ADGRB1: variants seen among roughly 807,000 people sequenced by gnomAD.
ADGRB1 encodes brain-specific angiogenesis inhibitor 1.
A neutral mutation model predicts 175.7 loss-of-function variants in ADGRB1; 36 were observed. The observed-to-expected ratio is 0.20, with a 90% CI of 0.16 to 0.27. The LOEUF (loss-of-function observed/expected upper bound fraction) is 0.27, where lower values mean the gene tolerates loss of function less well. ADGRB1 is among the 10% of genes least tolerant of loss of function. ADGRB1 has a pLI of 1.00. For synonymous variants in ADGRB1, 1,054 were observed against 979.4 expected (o/e 1.08, Z -1.42); for missense variants, 1,731 against 2,255.3 (o/e 0.77, Z 4.71).
At chr8:142,454,713 C>T (rs970634481) in intron 1 of ADGRB1, among the ~76,000 whole-genome samples, 2 of 152,146 alleles carry the variant, frequency 1.3e-5, no homozygotes, top group Non-Finnish European at 2.9e-5. Context: ...GTGAGGATCC[C>T]CCTTCCCCCG....
intron 24 of ADGRB1, 82 bp downstream of exon 24, chr8:142,526,709 T>G: frequency 7.3e-7 from 1 of 1,362,634 alleles, no homozygotes; most frequent in Non-Finnish European, 1.0e-6. Flanking sequence ...TGGAGAACGC[T>G]CCATGCCCAA....
Position 142,464,460 on chromosome 8 carries a change from A to C in ADGRB1, c.262A>C (p.Lys88Gln), listed in dbSNP as rs757035559. Reference protein sequence around the residue: ...RRYTLYMKVAKAPVPCSGPGR... With the variant: ...RRYTLYMKVAQAPVPCSGPGR... ...CTACACTCTCTACATGAAGGTGGCC[A>C]AGGCGCCCGTGCCCTGCAGCGGCCC... The change falls in exon 2 of 31, where the codon AAG (lysine) becomes CAG (glutamine). Residue 88 changes from lysine to glutamine, a missense_variant. Around this residue, in one of 8 missense-constraint regions of ADGRB1, gnomAD observed 383 missense variants for 383.1 expected, o/e 1.00. Transcript: ENST00000517894. The C allele has an allele frequency of 1.3e-6, 2 of 1,580,140 alleles. No individual in the cohort carries two copies. Among genetic ancestry groups the C allele is most frequent in the South Asian group, 2.3e-5 (2 of 86,504 alleles).
chr8:142,519,428 G>A (rs1223044258), intron 19 of ADGRB1, among the ~76,000 whole-genome samples: 2 of 152,208 alleles, frequency 1.3e-5, no homozygotes, highest in African/African-American at 2.4e-5. Flanking sequence ...TGTGCCCTCT[G>A]CTCTCCAGCT....
chr8:142,526,953 G>C (rs539870814), intron 24 of ADGRB1, among the ~76,000 whole-genome samples: 1 of 152,158 alleles, frequency 6.6e-6, no homozygotes, highest in Non-Finnish European at 1.5e-5. Flanking sequence ...GCTGGGTGCT[G>C]GGGGTCCCTG....
At chr8:142,475,699 A>AGGGGGGGTGGGGCCCTGGAGAG (rs376351343) in intron 3 of ADGRB1, 64 bp downstream of exon 3, 2 of 290,578 alleles carry the variant, frequency 6.9e-6, no homozygotes, top group African/African-American at 5.9e-5. Flanking sequence ...GAGGGAGGAG[A>AGGGGGGGTGGGGCCCTGGAGAG]GGGGGGTGGG....
At chr8:142,497,468 G>A (rs997331661) in intron 17 of ADGRB1, among the ~76,000 whole-genome samples, 7 of 152,150 alleles carry the variant, frequency 4.6e-5, no homozygotes, top group Admixed American at 2.0e-4. Context: ...CACGCCGGCC[G>A]GTTCCTGATG....
In ADGRB1 at chr8:142,510,582, G is replaced by T. The variant is rs1448076867; in HGVS notation, c.2676-350G>T. ...CGCGCGGGCCGGGGGCGCGGGCCCC[G>T]GAGGAGCTGGGGGCGGCGGGGGCGC... On this transcript the variant is annotated intron_variant, in intron 17 of 30. Transcript: ENST00000517894. This position sits in a 1 kb window ranked among gnomAD's most constrained non-coding sequence, Gnocchi z 6.3. Among the ~76,000 whole-genome samples the T allele has an allele frequency of 1.4e-5, 2 of 147,524 alleles. No individual in the cohort carries two copies. The highest frequency in any genetic ancestry group is 3.0e-5 in the Non-Finnish European group (2 of 66,308).
At position 142,478,271 on chromosome 8, in the gene ADGRB1, C is replaced by G; in HGVS notation, c.1472C>G (p.Thr491Arg). ...TGCTCCCAGGGCCGACAGCAGCGCA[C>G]GCGTGAATGCAACGGGCCTTCCTAC... ...ASCSQGRQQR[T>R]RECNGPSYGG... Residue 491 changes from threonine to arginine, a missense_variant, in exon 7 of 31, where the codon ACG (threonine) becomes AGG (arginine). Coordinates refer to ENST00000517894, the MANE Select transcript of ADGRB1 (RefSeq NM_001702.3). 1.2e-6 allele frequency: 2 copies of G among 1,610,182 alleles called. No homozygotes were observed. The highest frequency in any genetic ancestry group is 1.7e-6 in the Non-Finnish European group (2 of 1,178,866).
intron 4 of ADGRB1, 88 bp from the exon 5 acceptor site, chr8:142,477,026 A>C: frequency 7.1e-7 from 1 of 1,410,680 alleles, no homozygotes; most frequent in African/African-American, 1.5e-5. Context: ...GCTCCCCAGC[A>C]GGGCAGCCCT....
intron 1 of ADGRB1, among the ~76,000 whole-genome samples, chr8:142,457,848 G>T (rs1230651351): frequency 1.3e-5 from 2 of 152,170 alleles, no homozygotes; most frequent in African/African-American, 4.8e-5. Context: ...CCCATGTCAG[G>T]GGCCCTGCCA....
intron 7 of ADGRB1, among the ~76,000 whole-genome samples, chr8:142,478,775 A>G (rs1477672878): frequency 7.3e-5 from 8 of 108,882 alleles, no homozygotes; most frequent in African/African-American, 2.9e-4. Context: ...GTCTGTGGAG[A>G]AGTGGAGTGT....
chr8:142,534,103 GAAT>G (rs1484782217), intron 25 of ADGRB1, among the ~76,000 whole-genome samples: 23 of 152,202 alleles, frequency 1.5e-4, no homozygotes, highest in Admixed American at 3.9e-4. Flanking sequence ...CGAGGATGAA[GAAT>G]ACAGGAGAAG....
At position 142,492,490 on chromosome 8, in the gene ADGRB1, G is replaced by A. The variant is rs1293383995; in HGVS notation, c.2675+1675G>A. Among the ~76,000 whole-genome samples the A allele has an allele frequency of 6.6e-6, 1 of 152,174 alleles. No homozygotes were observed. The highest frequency in any genetic ancestry group is 1.9e-4 in the East Asian group (1 of 5,164). On this transcript the variant is annotated intron_variant, in intron 17 of 30. Transcript: ENST00000517894. This position sits in a 1 kb window ranked among gnomAD's most constrained non-coding sequence, Gnocchi z 4.4. Reference sequence around the variant, plus strand: ...GGGTCATGCACGCCTCCGAGGGAAGGGGAGGTTTCGGCAGAGGCCTGGCAA... The same window carrying A: ...GGGTCATGCACGCCTCCGAGGGAAGAGGAGGTTTCGGCAGAGGCCTGGCAA...
intron 13 of ADGRB1, among the ~76,000 whole-genome samples, chr8:142,486,886 G>A (rs113606086): frequency 0.028 from 4,286 of 152,146 alleles, 213 homozygotes; most frequent in African/African-American, 0.097. Flanking sequence ...GCCAGGCATG[G>A]TGGTGCACCT....
intron 17 of ADGRB1, among the ~76,000 whole-genome samples, chr8:142,507,888 T>C (rs1227304777): frequency 6.6e-6 from 1 of 151,930 alleles, no homozygotes; most frequent in Non-Finnish European, 1.5e-5. Context: ...TGGCCTGTAC[T>C]GTGCTGGCCA....
chr8:142,511,115 G>A lies in ADGRB1; in HGVS notation c.2817+42G>A. The A allele has an allele frequency of 9.4e-7, 1 of 1,064,834 alleles. No individual in the cohort carries two copies. 66.0% of individuals were successfully genotyped at this position (1,064,834 alleles called of 1,614,324 possible). A position where few individuals can be genotyped will look rare whatever the true frequency, so the allele number is the denominator to read the frequency against. On this transcript the variant is annotated intron_variant, in intron 18 of 30. Coordinates refer to ENST00000517894, the MANE Select transcript of ADGRB1 (RefSeq NM_001702.3). The surrounding 1 kb of genome is among the most constrained non-coding windows in gnomAD (Gnocchi z 4.5). ...GCCGGCGGGAGGGGCGCCGGGCAGG[G>A]GCGCGGGCGGGGGCTGCCGGCGGGC...
chr8:142,507,260 G>A (rs750756820), intron 17 of ADGRB1, among the ~76,000 whole-genome samples: 1 of 152,218 alleles, frequency 6.6e-6, no homozygotes, highest in Non-Finnish European at 1.5e-5. Flanking sequence ...TTGGGAGGCT[G>A]TTCCCCTGAC....
intron 27 of ADGRB1, 200 bp downstream of exon 27, chr8:142,539,613 C>T (rs762834054): frequency 4.7e-6 from 3 of 640,544 alleles, no homozygotes; most frequent in Non-Finnish European, 8.1e-6. Context: ...CGTCCACTTC[C>T]TGAGGCCGAA....
chr8:142,464,403 T>C lies in ADGRB1; in HGVS notation c.205T>C (p.Ser69Pro). 1 of 1,539,052 alleles carries C rather than the reference T, an allele frequency of 6.5e-7. No homozygotes were observed. The highest frequency in any genetic ancestry group is 8.7e-7 in the Non-Finnish European group (1 of 1,146,060). The part of the protein sequence containing the change: ...AVFPANASRC[S>P]WTLRNPDPRR... ...GTTCCCGGCCAACGCCTCGCGCTGC[T>C]CCTGGACGCTACGCAACCCGGACCC... Residue 69 changes from serine to proline, a missense_variant, in exon 2 of 31, where the codon TCC (serine) becomes CCC (proline). Physicochemically the swap from Ser to Pro is moderately conservative, Grantham distance 74 (BLOSUM62 -1). Around this residue, in one of 8 missense-constraint regions of ADGRB1, gnomAD observed 383 missense variants for 383.1 expected, o/e 1.00. Coordinates refer to ENST00000517894, the MANE Select transcript of ADGRB1 (RefSeq NM_001702.3).
Sources: allele counts gnomAD v4.1 joint callset (sites outside exome capture counted in the v4.1 genomes callset), GRCh38; gene constraint gnomAD v4.1.1; regional missense constraint gnomAD v4.1.1; non-coding constraint Gnocchi (gnomAD v3.1); transcripts MANE v1.5; gene names NCBI Gene and HGNC (gene_info 2026-07-23, HGNC 2026-07-21).